SDK2: variants seen among roughly 807,000 people sequenced by gnomAD.
The protein encoded by SDK2 is sidekick cell adhesion molecule 2.
Under a neutral mutation model 253.9 loss-of-function variants are expected in SDK2, and 105 were observed. The observed-to-expected ratio is 0.41, with a 90% CI of 0.35 to 0.49. The LOEUF (loss-of-function observed/expected upper bound fraction) is 0.49, where lower values mean the gene tolerates loss of function less well. Ranked by LOEUF, SDK2 falls within the 20% of genes least tolerant of loss-of-function variation. SDK2 has a pLI of 0.06. For synonymous variants in SDK2, 1,249 were observed against 1,234.9 expected (o/e 1.01, Z -0.24); for missense variants, 2,608 against 3,003.0 (o/e 0.87, Z 3.07).
intron 4 of SDK2, among the ~76,000 whole-genome samples, chr17:73,453,908 A>G (rs1324568042): frequency 6.6e-6 from 1 of 152,186 alleles, no homozygotes; most frequent in Non-Finnish European, 1.5e-5. Flanking sequence ...GACCACATAT[A>G]TGATGCTGGT....
In SDK2 at chr17:73,612,599, GC is replaced by G. The variant is rs1013740700; in HGVS notation, c.64+31425del. ...CTTGGGGGCGGTGGCAAAATGAGAA[GC>G]CCAGAGAGCCAAATAATAATAATAA... On this transcript the variant is annotated intron_variant, in intron 1 of 44. Coordinates refer to ENST00000392650, the MANE Select transcript of SDK2 (RefSeq NM_001144952.2). The surrounding 1 kb of genome is among the most constrained non-coding windows in gnomAD (Gnocchi z 4.4). 1.4e-4 allele frequency among the ~76,000 whole-genome samples: 22 copies of G among 152,082 alleles called. No homozygotes were observed. The highest frequency in any genetic ancestry group is 2.8e-4 in the Non-Finnish European group (19 of 68,000).
At chr17:73,590,160 G>A (rs1466718738) in intron 1 of SDK2, among the ~76,000 whole-genome samples, 1 of 152,220 alleles carries the variant, frequency 6.6e-6, no homozygotes. Flanking sequence ...GGCAATTGAC[G>A]AAAGAAGACA....
At chr17:73,459,246 C>T (rs1459340434) in intron 3 of SDK2, among the ~76,000 whole-genome samples, 3 of 152,234 alleles carry the variant, frequency 2.0e-5, no homozygotes, top group Non-Finnish European at 4.4e-5. Flanking sequence ...TGCCTCCCAA[C>T]TCCAGATCCC....
chr17:73,480,403 T>G (rs2063714058), intron 2 of SDK2, among the ~76,000 whole-genome samples: 1 of 152,210 alleles, frequency 6.6e-6, no homozygotes, highest in African/African-American at 2.4e-5. Context: ...CAAAAATTGT[T>G]GCTGAGTGCT....
rs549143848 is a variant in SDK2, at chr17:73,347,689, G to A, written c.6165+910C>T. ...GGCGTGGGATGCAGTGGCCTTTCGT[G>A]GCCCTTTCCTCAATAACCACTGGGC... On this transcript the variant is annotated intron_variant, in intron 44 of 44. Transcript: ENST00000392650. Among the ~76,000 whole-genome samples the A allele has an allele frequency of 7.7e-4, 118 of 152,268 alleles. 1 individual carries two copies. The highest frequency in any genetic ancestry group is 2.7e-3 in the African/African-American group (114 of 41,546).
chr17:73,458,499 T>G (rs970750456), intron 3 of SDK2, among the ~76,000 whole-genome samples: 4 of 152,336 alleles, frequency 2.6e-5, no homozygotes, highest in Admixed American at 2.6e-4. Flanking sequence ...AAAGCCCTAG[T>G]CTTGATTCTC....
chr17:73,440,445 A>C (rs572602078), intron 6 of SDK2, among the ~76,000 whole-genome samples: 26 of 152,200 alleles, frequency 1.7e-4, no homozygotes, highest in African/African-American at 6.0e-4. Context: ...TCCCATGCAC[A>C]CTTCCCTCCT....
intron 12 of SDK2, among the ~76,000 whole-genome samples, chr17:73,426,445 T>C (rs2063285015): frequency 6.6e-6 from 1 of 152,084 alleles, no homozygotes; most frequent in Non-Finnish European, 1.5e-5. Context: ...TTCCACACCA[T>C]GATTTTTTAT....
At chr17:73,486,168 T>A (rs995782832) in intron 2 of SDK2, among the ~76,000 whole-genome samples, 6 of 151,662 alleles carry the variant, frequency 4.0e-5, no homozygotes, top group Non-Finnish European at 8.8e-5. Flanking sequence ...TCTGGACAGG[T>A]GGAGAATGCA....
At chr17:73,473,978 T>C (rs2145698315) in intron 2 of SDK2, among the ~76,000 whole-genome samples, 1 of 152,296 alleles carries the variant, frequency 6.6e-6, no homozygotes, top group East Asian at 1.9e-4. Context: ...AAAAAACTCC[T>C]AATCTCAGCA....
chr17:73,468,164 G>A (rs1299025222), intron 3 of SDK2, among the ~76,000 whole-genome samples: 1 of 152,168 alleles, frequency 6.6e-6, no homozygotes, highest in Admixed American at 6.5e-5. Context: ...ACCGGGGAAG[G>A]TGCCAGCCTG....
At chr17:73,412,676 G>A (rs2063149205) in intron 18 of SDK2, among the ~76,000 whole-genome samples, 1 of 152,134 alleles carries the variant, frequency 6.6e-6, no homozygotes, top group African/African-American at 2.4e-5. Flanking sequence ...AGCACTCTGG[G>A]AGGCCGAGGC....
intron 14 of SDK2, 116 bp downstream of exon 14, chr17:73,423,270 A>G (rs1372722316): frequency 2.0e-5 from 20 of 979,688 alleles, no homozygotes; most frequent in Non-Finnish European, 2.3e-5. Context: ...GCCAGAGGGA[A>G]GGATCTGCTC....
chr17:73,635,321 G>C (rs913689931), intron 1 of SDK2, among the ~76,000 whole-genome samples: 1 of 152,048 alleles, frequency 6.6e-6, no homozygotes, highest in African/African-American at 2.4e-5. Flanking sequence ...CTGCTGTCCC[G>C]TCTGGGCCCC....
Position 73,398,420 on chromosome 17 carries a change from C to T in SDK2, c.3103G>A (p.Val1035Ile). The T allele has an allele frequency of 2.5e-6, 4 of 1,613,734 alleles. No homozygotes were observed. In the East Asian group the frequency reaches 8.9e-5, roughly 36 times the overall value. ...RWLVEAQVGV[V>I]GEGEEWLLIH... ...AGCAACCACTCCTCTCCCTCCCCAACCACGCCTACCTGGAAAAGGGCAGGA... is the reference window on the plus strand; with the variant it reads ...AGCAACCACTCCTCTCCCTCCCCAATCACGCCTACCTGGAAAAGGGCAGGA... Residue 1035 changes from valine to isoleucine, a missense_variant, in exon 23 of 45, where the codon GTT becomes ATT. This residue lies in a region of SDK2 where 1,505 missense variants were observed against 1,859.1 expected (regional missense o/e 0.81). Transcript: ENST00000392650.
intron 1 of SDK2, among the ~76,000 whole-genome samples, chr17:73,545,488 G>A (rs769697737): frequency 6.6e-6 from 1 of 152,168 alleles, no homozygotes; most frequent in African/African-American, 2.4e-5. Context: ...AAATGTGCAA[G>A]AACAAGGGAA....
At chr17:73,640,438 C>T (rs1208046223) in intron 1 of SDK2, among the ~76,000 whole-genome samples, 3 of 152,030 alleles carry the variant, frequency 2.0e-5, no homozygotes, top group Non-Finnish European at 4.4e-5. Context: ...TCCGGACTCC[C>T]CCGCGGAAGC....
In SDK2 at chr17:73,441,351, C is replaced by T. The variant is rs567943494; in HGVS notation, c.614-428G>A. Among the ~76,000 whole-genome samples, 11 of 152,294 alleles carry T rather than the reference C, an allele frequency of 7.2e-5. No individual in the cohort carries two copies. The South Asian group carries it at 1.5e-3, about 20-fold the overall frequency. ...AAACAGAGTCACCGGCCCCCTCCCC[C>T]AACACACCTCCCGCCAATTCATGCC... On this transcript the variant is annotated intron_variant, in intron 5 of 44. Coordinates refer to ENST00000392650, the MANE Select transcript of SDK2 (RefSeq NM_001144952.2).
At chr17:73,565,737 T>A (rs1053777265) in intron 1 of SDK2, among the ~76,000 whole-genome samples, 3 of 152,246 alleles carry the variant, frequency 2.0e-5, no homozygotes, top group African/African-American at 4.8e-5. Context: ...GGTAAGGGGG[T>A]TCCCCCATGA....
Sources: allele counts gnomAD v4.1 joint callset (sites outside exome capture counted in the v4.1 genomes callset), GRCh38; gene constraint gnomAD v4.1.1; regional missense constraint gnomAD v4.1.1; non-coding constraint Gnocchi (gnomAD v3.1); transcripts MANE v1.5; gene names NCBI Gene and HGNC (gene_info 2026-07-23, HGNC 2026-07-21).